The following PIWIL2 variants were observed in gnomAD, a reference collection of about 807,000 sequenced individuals.
PIWIL2 encodes piwi-like protein 2.
PIWIL2 carries 81 observed loss-of-function variants against 116.5 expected under a neutral mutation model. The ratio of observed to expected loss-of-function variants is 0.70; its 90% confidence interval spans 0.58 to 0.84. The LOEUF (loss-of-function observed/expected upper bound fraction) is 0.84. Among genes scored for constraint, PIWIL2 ranks in the 40% least tolerant of loss-of-function variants. PIWIL2 has a pLI of 0.00. For synonymous variants in PIWIL2, 489 were observed against 429.5 expected (o/e 1.14, Z -1.71); for missense variants, 1,272 against 1,212.3 (o/e 1.05, Z -0.73).
intron 3 of PIWIL2, 23 bp from the exon 4 acceptor site, chr8:22,281,354 T>C: frequency 6.2e-7 from 1 of 1,601,826 alleles, no homozygotes; most frequent in Admixed American, 1.8e-5. Flanking sequence ...TAGTCATTGC[T>C]GGGGTTCGGT....
chr8:22,276,390 A>G (rs370393941), intron 1 of PIWIL2, among the ~76,000 whole-genome samples: 15 of 152,292 alleles, frequency 9.8e-5, no homozygotes, highest in African/African-American at 3.6e-4. Context: ...ATCTCTGCTC[A>G]CTGCAACCTC....
chr8:22,354,484 C>A, intron 22 of PIWIL2, 106 bp downstream of exon 22: 2 of 611,012 alleles, frequency 3.3e-6, no homozygotes, highest in East Asian at 2.8e-5. Flanking sequence ...CTTGACTTTT[C>A]TTCATATCTT....
chr8:22,325,331 G>C (rs1831697367), intron 20 of PIWIL2, among the ~76,000 whole-genome samples: 1 of 151,992 alleles, frequency 6.6e-6, no homozygotes, highest in Non-Finnish European at 1.5e-5. Flanking sequence ...AGCCCTTCAG[G>C]TTTTCCTTTC....
At chr8:22,301,138 C>T (rs1831037262) in intron 10 of PIWIL2, among the ~76,000 whole-genome samples, 2 of 151,628 alleles carry the variant, frequency 1.3e-5, no homozygotes, top group South Asian at 4.2e-4. Flanking sequence ...CACCACCATG[C>T]CCAGCTAATT....
intron 16 of PIWIL2, among the ~76,000 whole-genome samples, chr8:22,313,092 C>T (rs1050545182): frequency 2.0e-5 from 3 of 152,206 alleles, no homozygotes; most frequent in African/African-American, 4.8e-5. Flanking sequence ...ACTTGTGTTC[C>T]CTTTTTGAGA....
At chr8:22,289,363 G>A (rs1830704479) in intron 8 of PIWIL2, among the ~76,000 whole-genome samples, 1 of 152,066 alleles carries the variant, frequency 6.6e-6, no homozygotes. Flanking sequence ...TTGTTGGCCA[G>A]GATGGTCTCG....
intron 20 of PIWIL2, chr8:22,352,716 CTT>C (rs1832400607): frequency 2.2e-6 from 1 of 451,676 alleles, no homozygotes; most frequent in East Asian, 3.2e-5. Flanking sequence ...TGACTCATAA[CTT>C]GCATGTTTTG....
chr8:22,309,271 T>A (rs1279161599), intron 14 of PIWIL2, among the ~76,000 whole-genome samples: 1 of 152,078 alleles, frequency 6.6e-6, no homozygotes, highest in Non-Finnish European at 1.5e-5. Flanking sequence ...CCTTGGATAT[T>A]AAGTCCAATT....
At chr8:22,325,846 G>A (rs1831712808) in intron 20 of PIWIL2, among the ~76,000 whole-genome samples, 1 of 152,128 alleles carries the variant, frequency 6.6e-6, no homozygotes, top group Admixed American at 6.6e-5. Context: ...GCAAAATCCA[G>A]TCTGTAGTAA....
intron 13 of PIWIL2, among the ~76,000 whole-genome samples, chr8:22,307,118 G>C (rs4510862): frequency 6.6e-6 from 1 of 152,046 alleles, no homozygotes; most frequent in Admixed American, 6.5e-5. Flanking sequence ...ATGGTTTTCT[G>C]TTTTGTTTGG....
At chr8:22,289,781 T>A (rs1236160209) in intron 8 of PIWIL2, 66 bp from the exon 9 acceptor site, 1 of 974,980 alleles carries the variant, frequency 1.0e-6, no homozygotes, top group Non-Finnish European at 1.6e-6. Context: ...CAAATGTAGC[T>A]AAGAATAATG....
At chr8:22,349,216 A>G (rs892678753) in intron 20 of PIWIL2, among the ~76,000 whole-genome samples, 6 of 150,972 alleles carry the variant, frequency 4.0e-5, no homozygotes, top group African/African-American at 1.5e-4. Context: ...CATGTTGCCC[A>G]GGCTGGTCTC....
chr8:22,343,145 G>A (rs1286337524), intron 20 of PIWIL2, among the ~76,000 whole-genome samples: 5 of 151,992 alleles, frequency 3.3e-5, no homozygotes, highest in Non-Finnish European at 7.4e-5. Flanking sequence ...GCTCACACCT[G>A]TAATCCCAGC....
intron 6 of PIWIL2, among the ~76,000 whole-genome samples, chr8:22,284,754 A>G (rs1357316994): frequency 6.6e-6 from 1 of 151,300 alleles, no homozygotes; most frequent in Non-Finnish European, 1.5e-5. Context: ...GGTTAAATTT[A>G]GGGGTGAGAA....
intron 17 of PIWIL2, 33 bp downstream of exon 17, chr8:22,314,462 G>GCA: frequency 8.6e-7 from 1 of 1,156,908 alleles, no homozygotes; most frequent in Non-Finnish European, 1.2e-6. Context: ...GGCGCAGATG[G>GCA]CACCTCTCGC....
At chr8:22,352,729 CT>C in intron 20 of PIWIL2, 1 of 460,024 alleles carries the variant, frequency 2.2e-6, no homozygotes, top group Non-Finnish European at 3.9e-6. Context: ...GCATGTTTTG[CT>C]TTCATGTTTT....
intron 6 of PIWIL2, among the ~76,000 whole-genome samples, chr8:22,286,478 C>T (rs1451191161): frequency 6.6e-6 from 1 of 152,044 alleles, no homozygotes; most frequent in Non-Finnish European, 1.5e-5. Flanking sequence ...AAACATACAG[C>T]AAAGAGGTGA....
Position 22,304,774 on chromosome 8 carries a change from T to C in PIWIL2, c.1371-10T>C. On this transcript the variant is annotated splice_polypyrimidine_tract_variant and intron_variant, in intron 11 of 22. Coordinates refer to ENST00000356766, the MANE Select transcript of PIWIL2 (RefSeq NM_018068.5). ...TTCTGAAATTTTTTCCTGCCTCTAC[T>C]CTGCTCTAGCAAAAATTATGGGATC... The C allele has an allele frequency of 6.2e-7, 1 of 1,602,298 alleles. No individual in the cohort carries two copies. Among genetic ancestry groups the C allele is most frequent in the Non-Finnish European group, 8.6e-7 (1 of 1,169,210 alleles).
At chr8:22,300,301 C>T (rs1831015993) in intron 10 of PIWIL2, among the ~76,000 whole-genome samples, 1 of 152,088 alleles carries the variant, frequency 6.6e-6, no homozygotes, top group African/African-American at 2.4e-5. Context: ...GCTTCTTTCA[C>T]TTAGCGTTAT....
Sources: allele counts gnomAD v4.1 joint callset (sites outside exome capture counted in the v4.1 genomes callset), GRCh38; gene constraint gnomAD v4.1.1; transcripts MANE v1.5; gene names NCBI Gene and HGNC (gene_info 2026-07-23, HGNC 2026-07-21).